Variants in PCDH15 observed in about 807,000 individuals in gnomAD.
The protein encoded by PCDH15 is protocadherin related 15.
In PCDH15, 129 loss-of-function variants were observed where a neutral mutation model predicts 178.5. The observed-to-expected ratio is 0.72, with a 90% CI of 0.63 to 0.84. PCDH15 has a LOEUF of 0.84. Among genes scored for constraint, PCDH15 ranks in the 40% least tolerant of loss-of-function variants. The probability of loss-of-function intolerance (pLI) is 0.00; values close to 1 mark genes in which losing one functional copy is unlikely to be tolerated. For missense variants in PCDH15, 2,230 were observed against 2,099.9 expected (o/e 1.06, Z -1.21); for synonymous variants, 800 against 732.0 (o/e 1.09, Z -1.50).
chr10:54,397,642 T>A (rs1232366710), intron 3 of PCDH15, among the ~76,000 whole-genome samples: 1 of 152,060 alleles, frequency 6.6e-6, no homozygotes, highest in Non-Finnish European at 1.5e-5. Context: ...TATGAATATA[T>A]GTTTCCAACA....
At chr10:54,032,169 T>C (rs1382922776) in intron 18 of PCDH15, among the ~76,000 whole-genome samples, 2 of 152,000 alleles carry the variant, frequency 1.3e-5, no homozygotes, top group African/African-American at 2.4e-5. Context: ...ATACTAACCA[T>C]GCTATTTCAT....
chr10:55,548,042 C>A lies in PCDH15; in HGVS notation c.-156+79583G>T, dbSNP rs541601045. On this transcript the variant is annotated intron_variant, in intron 2 of 5. Transcript: ENST00000613346. ...GAGTTGAGAAGCCATTCTGGTCATTCTAGGGCCAGGCTCACATGAAAAAGA... is the reference window on the plus strand; with the variant it reads ...GAGTTGAGAAGCCATTCTGGTCATTATAGGGCCAGGCTCACATGAAAAAGA... Among the ~76,000 whole-genome samples the A allele has an allele frequency of 5.3e-5, 8 of 151,846 alleles. No homozygotes were observed. In the East Asian group the frequency reaches 1.4e-3, roughly 26 times the overall value.
intron 2 of PCDH15, among the ~76,000 whole-genome samples, chr10:55,443,833 A>G (rs1276044273): frequency 6.6e-6 from 1 of 152,150 alleles, no homozygotes; most frequent in East Asian, 1.9e-4. Flanking sequence ...ACACATGCAC[A>G]TGTATGTTTA....
chr10:55,189,088 T>C (rs1282102481), intron 1 of PCDH15, among the ~76,000 whole-genome samples: 1 of 151,964 alleles, frequency 6.6e-6, no homozygotes, highest in East Asian at 1.9e-4. Context: ...TTTACTGTTC[T>C]GATACTCTTT....
chr10:54,731,341 GA>G (rs1451972151), intron 1 of PCDH15, among the ~76,000 whole-genome samples: 1 of 150,154 alleles, frequency 6.7e-6, no homozygotes, highest in Non-Finnish European at 1.5e-5. Flanking sequence ...CAACCACTAT[GA>G]AAAAAAGTAT....
intron 1 of PCDH15, among the ~76,000 whole-genome samples, chr10:55,298,760 A>G (rs1843198687): frequency 6.6e-6 from 1 of 151,966 alleles, no homozygotes; most frequent in Admixed American, 6.6e-5. Context: ...TTTTCTTTTT[A>G]GTAGAGACGG....
intron 25 of PCDH15, among the ~76,000 whole-genome samples, chr10:53,914,219 A>T (rs2083364170): frequency 6.6e-6 from 1 of 152,204 alleles, no homozygotes; most frequent in African/African-American, 2.4e-5. Flanking sequence ...TTCCTCAAGG[A>T]TCTAGAGCTA....
intron 18 of PCDH15, among the ~76,000 whole-genome samples, chr10:54,048,865 T>C (rs910542553): frequency 2.6e-5 from 4 of 152,064 alleles, no homozygotes; most frequent in Non-Finnish European, 4.4e-5. Context: ...TTTGTTTCCA[T>C]GTAAGTTTCA....
intron 2 of PCDH15, among the ~76,000 whole-genome samples, chr10:55,551,203 C>T (rs546893693): frequency 1.3e-5 from 2 of 152,052 alleles, no homozygotes; most frequent in Non-Finnish European, 2.9e-5. Context: ...TCTTGTAAGG[C>T]TATTATGAAA....
At chr10:55,039,114 T>C (rs776251523) in intron 2 of PCDH15, among the ~76,000 whole-genome samples, 1 of 152,038 alleles carries the variant, frequency 6.6e-6, no homozygotes, top group Non-Finnish European at 1.5e-5. Context: ...TCTCCATACC[T>C]TCCCAGGTTC....
intron 3 of PCDH15, among the ~76,000 whole-genome samples, chr10:54,497,232 T>C (rs2080208718): frequency 6.8e-6 from 1 of 147,578 alleles, no homozygotes; most frequent in Admixed American, 7.0e-5. Flanking sequence ...TAAACCCAAT[T>C]TGTACCACAG....
In PCDH15 at chr10:55,467,373, CTTT is replaced by C. The variant is rs59787759; in HGVS notation, c.-156+160249_-156+160251del. On this transcript the variant is annotated intron_variant, in intron 2 of 5. Transcript: ENST00000613346. The stretch of plus-strand genomic sequence containing the variant: ...AAAGAAAAGCCTGATCTTGGCCTGA[CTTT>C]TTTTTTTTTTTTTTTTTAACTAGGG... Among the ~76,000 whole-genome samples, 27 of 87,760 alleles carry C rather than the reference CTTT, an allele frequency of 3.1e-4. 1 individual carries two copies. Among genetic ancestry groups the C allele is most frequent in the East Asian group, 6.0e-4 (1 of 1,676 alleles). The allele number at this position is 87,760 out of a possible 152,430, so 57.6% of individuals were successfully genotyped here.
At chr10:55,268,936 A>G (rs1842369389) in intron 1 of PCDH15, among the ~76,000 whole-genome samples, 1 of 152,188 alleles carries the variant, frequency 6.6e-6, no homozygotes, top group Non-Finnish European at 1.5e-5. Flanking sequence ...TTAATACACC[A>G]TGATTAAGTA....
At chr10:54,733,338 C>A (rs1006058532) in intron 1 of PCDH15, among the ~76,000 whole-genome samples, 3 of 151,446 alleles carry the variant, frequency 2.0e-5, no homozygotes, top group African/African-American at 7.3e-5. Context: ...CAATGAACAT[C>A]TTTAAGTCAA....
intron 1 of PCDH15, among the ~76,000 whole-genome samples, chr10:55,296,895 A>G (rs1843146306): frequency 6.6e-6 from 1 of 152,170 alleles, no homozygotes; most frequent in African/African-American, 2.4e-5. Flanking sequence ...AAATACAAAA[A>G]CAAACACTAT....
chr10:55,619,591 T>C (rs1564487041), intron 2 of PCDH15, among the ~76,000 whole-genome samples: 1 of 152,034 alleles, frequency 6.6e-6, no homozygotes, highest in Non-Finnish European at 1.5e-5. Flanking sequence ...GTTTGTAAAG[T>C]TACGAGAATC....
Position 54,196,509 on chromosome 10 carries a change from A to C in PCDH15, c.1099-620T>G, listed in dbSNP as rs563457365. ...GTGTTTAAATACATTTAGTCAGAAAATTCAAATGGAGATACTTGAGTGTAC... is the reference window on the plus strand; with the variant it reads ...GTGTTTAAATACATTTAGTCAGAAACTTCAAATGGAGATACTTGAGTGTAC... On this transcript the variant is annotated intron_variant, in intron 10 of 37. Coordinates refer to ENST00000644397, the MANE Select transcript of PCDH15 (RefSeq NM_001384140.1). Among the ~76,000 whole-genome samples, 14 of 152,328 alleles carry C rather than the reference A, an allele frequency of 9.2e-5. No homozygotes were observed. The Middle Eastern group carries it at 0.01, about 111-fold the overall frequency.
chr10:55,434,212 C>T (rs565169535), intron 2 of PCDH15, among the ~76,000 whole-genome samples: 3 of 150,478 alleles, frequency 2.0e-5, no homozygotes, highest in African/African-American at 7.3e-5. Context: ...TCCCTACAGG[C>T]GCCTGCCGCC....
At chr10:54,110,727 T>C (rs924469185) in intron 15 of PCDH15, among the ~76,000 whole-genome samples, 4 of 152,198 alleles carry the variant, frequency 2.6e-5, no homozygotes, top group Non-Finnish European at 5.9e-5. Flanking sequence ...AAAAGCTTTG[T>C]TCTTATGTGT....
Sources: allele counts gnomAD v4.1 joint callset (sites outside exome capture counted in the v4.1 genomes callset), GRCh38; gene constraint gnomAD v4.1.1; transcripts MANE v1.5; gene names NCBI Gene and HGNC (gene_info 2026-07-23, HGNC 2026-07-21).